Variants in PPARGC1A observed in about 807,000 individuals in gnomAD.
PPARGC1A encodes the protein peroxisome proliferator-activated receptor gamma coactivator 1-alpha.
In PPARGC1A, 25 loss-of-function variants were observed where a neutral mutation model predicts 88.7. The ratio of observed to expected loss-of-function variants is 0.28; its 90% CI spans 0.21 to 0.39. The LOEUF (loss-of-function observed/expected upper bound fraction) is 0.39, where lower values mean the gene tolerates loss of function less well. Ranked by LOEUF, PPARGC1A falls within the 10% of genes least tolerant of loss-of-function variation. The pLI, the probability that PPARGC1A is intolerant of heterozygous loss-of-function variation, is 1.00. For synonymous variants in PPARGC1A, 363 were observed against 355.6 expected, an observed-to-expected ratio of 1.02 and a Z score of -0.24; for missense variants, 880 against 968.7, an observed-to-expected ratio of 0.91 and a Z score of 1.22.
the PPARGC1A span, among the ~76,000 whole-genome samples, chr4:24,281,588 T>A: frequency 6.6e-6 from 1 of 152,172 alleles, no homozygotes; most frequent in Non-Finnish European, 1.5e-5. Flanking sequence ...ACACTGAGGA[T>A]TGAATTTCAA....
the PPARGC1A span, among the ~76,000 whole-genome samples, chr4:24,319,599 T>G: frequency 6.6e-6 from 1 of 152,212 alleles, no homozygotes; most frequent in African/African-American, 2.4e-5. Context: ...GCTTTTAACA[T>G]AACACAGTGA....
upstream of PPARGC1A, among the ~76,000 whole-genome samples, chr4:23,894,756 A>G (rs1002526581): frequency 6.6e-6 from 1 of 152,148 alleles, no homozygotes; most frequent in African/African-American, 2.4e-5. Context: ...AGTCAATTGG[A>G]CTAATCTAAA....
At chr4:24,373,613 T>C in the PPARGC1A span, among the ~76,000 whole-genome samples, 1 of 152,310 alleles carries the variant, frequency 6.6e-6, no homozygotes, top group Admixed American at 6.5e-5. Context: ...ATGAGGCATG[T>C]TATACAAATT....
chr4:24,324,432 C>T, the PPARGC1A span, among the ~76,000 whole-genome samples: 12 of 152,184 alleles, frequency 7.9e-5, no homozygotes, highest in African/African-American at 2.6e-4. Flanking sequence ...GAACCCCCCA[C>T]CCCTTCTCCG....
the PPARGC1A span, among the ~76,000 whole-genome samples, chr4:24,309,584 T>G: frequency 6.6e-6 from 1 of 152,094 alleles, no homozygotes; most frequent in African/African-American, 2.4e-5. Flanking sequence ...AATCTTTTTA[T>G]TTAGTTAGTT....
chr4:24,307,586 G>A, the PPARGC1A span, among the ~76,000 whole-genome samples: 1 of 152,136 alleles, frequency 6.6e-6, no homozygotes, highest in African/African-American at 2.4e-5. Flanking sequence ...AGAATTAGGA[G>A]AGTTAAGAGT....
upstream of PPARGC1A, among the ~76,000 whole-genome samples, chr4:23,907,266 C>T (rs1335935778): frequency 6.6e-6 from 1 of 152,144 alleles, no homozygotes; most frequent in African/African-American, 2.4e-5. Flanking sequence ...CTGATTATAA[C>T]CGAGTAGCAA....
the PPARGC1A span, among the ~76,000 whole-genome samples, chr4:24,421,455 C>T: frequency 1.3e-5 from 2 of 151,914 alleles, no homozygotes; most frequent in South Asian, 2.1e-4. Context: ...GGACTACAGG[C>T]GCCCGCCATC....
the PPARGC1A span, among the ~76,000 whole-genome samples, chr4:24,084,079 GGTT>G: frequency 6.6e-6 from 1 of 152,152 alleles, no homozygotes; most frequent in Non-Finnish European, 1.5e-5. Context: ...TAACCAGCCT[GGTT>G]GTTAACCACG....
At chr4:24,057,070 T>C in the PPARGC1A span, among the ~76,000 whole-genome samples, 20 of 152,200 alleles carry the variant, frequency 1.3e-4, no homozygotes, top group African/African-American at 4.3e-4. Flanking sequence ...CATCAATTGA[T>C]GAATGGAAAA....
the PPARGC1A span, among the ~76,000 whole-genome samples, chr4:24,360,232 CA>C: frequency 6.6e-6 from 1 of 152,278 alleles, no homozygotes; most frequent in East Asian, 1.9e-4. Flanking sequence ...CCATTTTCCA[CA>C]AAACTGGGGA....
At position 23,875,454 on chromosome 4, in the gene PPARGC1A, C is replaced by T. The variant is rs565752433; in HGVS notation, c.234+9298G>A. On this transcript the variant is annotated intron_variant, in intron 2 of 12. Transcript: ENST00000264867. ...CAAACCTGTATCTCTTTCTACTTTT[C>T]CTGTTGGGCTAAAGTGAAGGTGTTG... Among the ~76,000 whole-genome samples, 11 of 151,868 alleles carry T rather than the reference C, an allele frequency of 7.2e-5. No individual in the cohort carries two copies. In the South Asian group the frequency reaches 2.3e-3, roughly 32 times the overall value.
chr4:23,926,203 T>C, the PPARGC1A span, among the ~76,000 whole-genome samples: 2 of 152,264 alleles, frequency 1.3e-5, no homozygotes, highest in South Asian at 4.1e-4. Flanking sequence ...GCCCAGATTG[T>C]CCCCAGAGTC....
the PPARGC1A span, among the ~76,000 whole-genome samples, chr4:24,023,467 C>G: frequency 6.6e-6 from 1 of 152,194 alleles, no homozygotes; most frequent in Admixed American, 6.5e-5. Context: ...GTGCCACACA[C>G]AGGCTCCCTG....
intron 1 of PPARGC1A, chr4:23,899,197 G>A (rs1344737429): frequency 6.6e-6 from 1 of 152,152 alleles, no homozygotes; most frequent in Admixed American, 6.5e-5. Flanking sequence ...TTTGCATGCA[G>A]GCCACCTAAA....
At chr4:23,913,254 AT>A in the PPARGC1A span, among the ~76,000 whole-genome samples, 7 of 43,638 alleles carry the variant, frequency 1.6e-4, no homozygotes, top group Non-Finnish European at 2.6e-4. Flanking sequence ...ATATATATAT[AT>A]ATATATATAT....
the PPARGC1A span, among the ~76,000 whole-genome samples, chr4:23,955,208 TTGC>T: frequency 6.6e-6 from 1 of 152,098 alleles, no homozygotes; most frequent in Admixed American, 6.6e-5. Flanking sequence ...GATTTCTTTA[TTGC>T]TGCTTTTAAA....
intron 7 of PPARGC1A, among the ~76,000 whole-genome samples, chr4:23,815,727 C>T (rs1190784593): frequency 1.3e-5 from 2 of 152,106 alleles, no homozygotes; most frequent in South Asian, 2.1e-4. Context: ...GAAGGGCAGG[C>T]TGGAGTTCAA....
the PPARGC1A span, among the ~76,000 whole-genome samples, chr4:24,237,192 A>C: frequency 6.6e-6 from 1 of 152,236 alleles, no homozygotes; most frequent in South Asian, 2.1e-4. Flanking sequence ...GGAATCTCAG[A>C]ATTATCTAAC....
Sources: allele counts gnomAD v4.1 joint callset (sites outside exome capture counted in the v4.1 genomes callset), GRCh38; gene constraint gnomAD v4.1.1; transcripts MANE v1.5; gene names NCBI Gene and HGNC (gene_info 2026-07-23, HGNC 2026-07-21).